MMP7: variants seen among roughly 807,000 people sequenced by gnomAD.
MMP7 encodes the protein matrilysin.
A neutral mutation model predicts 31.5 loss-of-function variants in MMP7; 26 were observed. The observed-to-expected ratio is 0.83, with a 90% CI of 0.61 to 1.15. The LOEUF (loss-of-function observed/expected upper bound fraction) is 1.15. Among genes scored for constraint, MMP7 ranks in the 50% most tolerant of loss-of-function variants. The pLI, the probability that MMP7 is intolerant of heterozygous loss-of-function variation, is 0.00. For synonymous variants in MMP7, 142 were observed against 124.2 expected (o/e 1.14, Z -0.95); for missense variants, 367 against 326.5 (o/e 1.12, Z -0.96).
intron 3 of MMP7, among the ~76,000 whole-genome samples, chr11:102,526,213 G>GT (rs1278724618): frequency 8.6e-5 from 4 of 46,718 alleles, no homozygotes; most frequent in African/African-American, 3.1e-4. Context: ...AAAAACCCAC[G>GT]TAAAAAAAAA....
At chr11:102,521,421 T>C (rs1170504128) in intron 5 of MMP7, among the ~76,000 whole-genome samples, 1 of 152,178 alleles carries the variant, frequency 6.6e-6, no homozygotes, top group South Asian at 2.1e-4. Flanking sequence ...CTCGAGCTCC[T>C]GGCCTCAAGC....
intron 1 of MMP7, 67 bp from the exon 2 acceptor site, chr11:102,528,050 A>G: frequency 8.7e-7 from 1 of 1,144,200 alleles, no homozygotes; most frequent in South Asian, 1.5e-5. Flanking sequence ...AGAAGCCTAT[A>G]TATCTCTTGC....
rs1858681328 is a variant in MMP7, at chr11:102,527,191, A to G, written c.484+333T>C. 3 of 308,616 alleles carry G rather than the reference A, an allele frequency of 9.7e-6. No individual in the cohort carries two copies. The South Asian group carries it at 1.1e-4, about 11-fold the overall frequency. 19.1% of individuals were successfully genotyped at this position (308,616 alleles called of 1,614,324 possible). On this transcript the variant is annotated intron_variant, in intron 3 of 5. Coordinates refer to ENST00000260227, the MANE Select transcript of MMP7 (RefSeq NM_002423.5). The stretch of plus-strand genomic sequence containing the variant: ...AGATAACAAGTGTTTAAGCTTTGTG[A>G]TCTCTGTCACAGTTGCAGCCTGAGC...
chr11:102,526,433 C>T (rs1858673664), intron 3 of MMP7, among the ~76,000 whole-genome samples: 1 of 151,906 alleles, frequency 6.6e-6, no homozygotes, highest in Non-Finnish European at 1.5e-5. Context: ...GATGGGGTTT[C>T]ACCCTATTGG....
At chr11:102,529,447 G>A (rs1040044453) in intron 1 of MMP7, among the ~76,000 whole-genome samples, 6 of 152,106 alleles carry the variant, frequency 3.9e-5, no homozygotes, top group African/African-American at 1.4e-4. Flanking sequence ...TGAAGACTAA[G>A]TTTCTGCCAA....
Position 102,527,860 on chromosome 11 carries a change from C to T in MMP7, c.232G>A (p.Val78Ile), listed in dbSNP as rs145006821. The change falls in exon 2 of 6, where the codon GTC becomes ATC. Residue 78 changes from valine (V) to isoleucine (I), a missense_variant. Val to Ile is a conservative substitution (Grantham distance 29, BLOSUM62 3). Transcript: ENST00000260227. Reference protein sequence around the residue: ...LPITGMLNSRVIEIMQKPRCG... With the variant: ...LPITGMLNSRIIEIMQKPRCG... ...CTGGGCTTCTGCATTATTTCTATGA[C>T]GCGGGAGTTTAACATTCCAGTTATA... 318 of 1,614,072 alleles carry T rather than the reference C, an allele frequency of 2.0e-4. No individual in the cohort carries two copies. The highest frequency in any genetic ancestry group is 4.9e-4 in the Middle Eastern group (3 of 6,062).
At chr11:102,525,565 C>T (rs990402220) in intron 3 of MMP7, among the ~76,000 whole-genome samples, 6 of 152,022 alleles carry the variant, frequency 3.9e-5, no homozygotes, top group Non-Finnish European at 8.8e-5. Flanking sequence ...TTTCCTTTCA[C>T]AGAACCATTG....
rs762158276 is a variant in MMP7 at position 102,527,685 on chromosome 11, A to C, written c.336-13T>G. ...ATATGATACGATCCTAGTAGCAAAC[A>C]AGAAAACAATGTTTGACCCCTAGGA... On this transcript the variant is annotated splice_polypyrimidine_tract_variant and intron_variant, in intron 2 of 5. Transcript: ENST00000260227. The C allele has an allele frequency of 5.6e-6, 9 of 1,611,102 alleles. No homozygotes were observed. The highest frequency in any genetic ancestry group is 1.6e-4 in the Middle Eastern group (1 of 6,080).
At chr11:102,522,751 A>C (rs17879216) in intron 5 of MMP7, among the ~76,000 whole-genome samples, 4 of 152,260 alleles carry the variant, frequency 2.6e-5, no homozygotes, top group African/African-American at 7.2e-5. Flanking sequence ...AGGGATATAC[A>C]TAAGTATCAA....
intron 5 of MMP7, 52 bp from the exon 6 acceptor site, chr11:102,520,856 C>A: frequency 8.1e-7 from 1 of 1,229,214 alleles, no homozygotes; most frequent in Non-Finnish European, 1.2e-6. Context: ...TGCATAAAAA[C>A]CATCCTAAGA....
intron 1 of MMP7, 58 bp downstream of exon 1, chr11:102,530,535 C>T: frequency 7.3e-7 from 1 of 1,366,290 alleles, no homozygotes; most frequent in South Asian, 1.2e-5. Flanking sequence ...TTGAAAAACA[C>T]ATTTCTTAAT....
chr11:102,526,812 T>TA (rs1201239557), intron 3 of MMP7, among the ~76,000 whole-genome samples: 1 of 152,202 alleles, frequency 6.6e-6, no homozygotes, highest in Non-Finnish European at 1.5e-5. Flanking sequence ...AGCCTAGTGA[T>TA]ATAGTAGTTG....
intron 1 of MMP7, among the ~76,000 whole-genome samples, chr11:102,528,384 C>T (rs1858697431): frequency 6.6e-6 from 1 of 152,112 alleles, no homozygotes; most frequent in Non-Finnish European, 1.5e-5. Context: ...GGTCAACCAG[C>T]CCTATCTAAA....
At chr11:102,522,503 C>A (rs1858623786) in intron 5 of MMP7, among the ~76,000 whole-genome samples, 1 of 152,130 alleles carries the variant, frequency 6.6e-6, no homozygotes, top group South Asian at 2.1e-4. Context: ...AGTCACATAG[C>A]CCTCACTTGG....
chr11:102,525,070 A>G lies in MMP7; in HGVS notation c.485-6T>C. The G allele has an allele frequency of 6.3e-7, 1 of 1,589,892 alleles. No homozygotes were observed. Among genetic ancestry groups the G allele is most frequent in the African/African-American group, 1.4e-5 (1 of 73,216 alleles). On this transcript the variant is annotated splice_region_variant and splice_polypyrimidine_tract_variant and intron_variant, in intron 3 of 5. Coordinates refer to ENST00000260227, the MANE Select transcript of MMP7 (RefSeq NM_002423.5). ...TGGGTAGGAGTCCCCATGAGCTGAA[A>G]GAAAATGGAGTGATTGTTCTTAGTG...
At chr11:102,522,535 C>T (rs1858624464) in intron 5 of MMP7, among the ~76,000 whole-genome samples, 2 of 152,216 alleles carry the variant, frequency 1.3e-5, no homozygotes, top group Non-Finnish European at 2.9e-5. Context: ...AAGCACTCGA[C>T]AGTCACATGA....
At position 102,527,877 on chromosome 11, in the gene MMP7, C is replaced by T; in HGVS notation, c.215G>A (p.Gly72Glu). ...MQKFFGLPIT[G>E]MLNSRVIEIM... ...TTCTATGACGCGGGAGTTTAACATT[C>T]CAGTTATAGGTAGGCCAAAGAATTT... The change falls in exon 2 of 6, where the codon GGA becomes GAA. Residue 72 changes from glycine to glutamate, a missense_variant. By Grantham distance (98) the Gly-to-Glu change is moderately conservative. Transcript: ENST00000260227. The T allele has an allele frequency of 7.4e-6, 12 of 1,614,090 alleles. No individual in the cohort carries two copies. Among genetic ancestry groups the T allele is most frequent in the Non-Finnish European group, 1.0e-5 (12 of 1,179,994 alleles).
Position 102,520,757 on chromosome 11 carries a change from G to C in MMP7, c.*19C>G. ...ATACAATCCAATGAATGAATGAATGGATGTTCTGCCTGAAGTTTCTATTTC... is the reference window on the plus strand; with the variant it reads ...ATACAATCCAATGAATGAATGAATGCATGTTCTGCCTGAAGTTTCTATTTC... On this transcript the variant is annotated 3_prime_UTR_variant, in exon 6 of 6. Coordinates refer to ENST00000260227, the MANE Select transcript of MMP7 (RefSeq NM_002423.5). The C allele has an allele frequency of 6.4e-7, 1 of 1,552,872 alleles. No individual in the cohort carries two copies. The highest frequency in any genetic ancestry group is 8.8e-7 in the Non-Finnish European group (1 of 1,136,574).
At chr11:102,521,887 C>A (rs1048398780) in intron 5 of MMP7, among the ~76,000 whole-genome samples, 4 of 152,118 alleles carry the variant, frequency 2.6e-5, no homozygotes, top group African/African-American at 7.2e-5. Context: ...ACTTTACGAA[C>A]AATAGTCAGC....
Sources: gnomAD v4.1 joint callset for allele counts (sites outside exome capture counted in the v4.1 genomes callset) on GRCh38, gnomAD v4.1.1 for gene constraint, MANE v1.5 for transcripts, NCBI Gene and HGNC (gene_info 2026-07-23, HGNC 2026-07-21) for gene names.